Variants in MYO5B observed in about 807,000 individuals in gnomAD.
MYO5B encodes myosin VB.
Under a neutral mutation model 229.3 loss-of-function variants are expected in MYO5B, and 143 were observed. The ratio of observed to expected loss-of-function variants is 0.62; its 90% CI spans 0.54 to 0.72. The LOEUF is 0.72. Ranked by LOEUF, MYO5B falls within the 30% of genes least tolerant of loss-of-function variation. The pLI is 0.00. For synonymous variants in MYO5B, 918 were observed against 885.2 expected (o/e 1.04, Z -0.66); for missense variants, 2,321 against 2,331.0 (o/e 1.00, Z 0.09).
At chr18:49,991,368 A>G (rs887760245) in intron 6 of MYO5B, among the ~76,000 whole-genome samples, 1 of 152,128 alleles carries the variant, frequency 6.6e-6, no homozygotes, top group African/African-American at 2.4e-5. Flanking sequence ...GAAGCCATTT[A>G]ACCCAAGGCA....
At chr18:50,094,124 AC>A (rs1447104683) in intron 1 of MYO5B, among the ~76,000 whole-genome samples, 2 of 152,288 alleles carry the variant, frequency 1.3e-5, no homozygotes, top group Admixed American at 1.3e-4. Flanking sequence ...CTGTATCAGG[AC>A]CCCTTTCCAG....
intron 1 of MYO5B, among the ~76,000 whole-genome samples, chr18:50,076,199 C>T (rs560350764): frequency 7.8e-4 from 119 of 152,274 alleles, no homozygotes; most frequent in Non-Finnish European, 1.6e-3. Context: ...GCAGAGCTCA[C>T]TCACTGCTAA....
At chr18:50,090,626 G>A (rs1017052973) in intron 1 of MYO5B, among the ~76,000 whole-genome samples, 1 of 152,088 alleles carries the variant, frequency 6.6e-6, no homozygotes, top group African/African-American at 2.4e-5. Context: ...CCCTTTTTAG[G>A]CTTCTTGGGG....
rs2023832059 is a variant in MYO5B at position 49,825,542 on chromosome 18, G to A, written c.*929C>T. ...GGTTTCTGGAACAGTAGAGCATTAT[G>A]TGATGCTCTTACTGGAAGCTTAATG... is the stretch of plus-strand genomic sequence containing the variant. On this transcript the variant is annotated 3_prime_UTR_variant, in exon 40 of 40. Transcript: ENST00000285039. 1 of 152,184 alleles carries A rather than the reference G, an allele frequency of 6.6e-6. No homozygotes were observed. Among genetic ancestry groups the A allele is most frequent in the Admixed American group, 6.5e-5 (1 of 15,274 alleles). The allele number at this position is 152,184 out of a possible 1,614,324, so 9.4% of individuals were successfully genotyped here.
At chr18:49,980,386 T>C in intron 9 of MYO5B, 58 bp downstream of exon 9, 1 of 1,211,628 alleles carries the variant, frequency 8.3e-7, no homozygotes, top group South Asian at 1.2e-5. Context: ...ATTTCAGTCA[T>C]ATCAAAGAAC....
chr18:50,006,170 A>G (rs1013967504), intron 4 of MYO5B, among the ~76,000 whole-genome samples: 5 of 152,212 alleles, frequency 3.3e-5, no homozygotes, highest in African/African-American at 1.2e-4. Flanking sequence ...AACAGGAAGT[A>G]GGGGTAGGGA....
At chr18:49,901,785 G>A (rs1330499916) in intron 21 of MYO5B, among the ~76,000 whole-genome samples, 1 of 152,220 alleles carries the variant, frequency 6.6e-6, no homozygotes, top group East Asian at 1.9e-4. Flanking sequence ...CCAGACAGCT[G>A]GGGTTCAAAC....
Position 49,843,296 on chromosome 18 carries a change from A to G in MYO5B, c.4556T>C (p.Leu1519Pro), listed in dbSNP as rs752917500. 2 of 1,614,076 alleles carry G rather than the reference A, an allele frequency of 1.2e-6. No homozygotes were observed. The highest frequency in any genetic ancestry group is 1.7e-6 in the Non-Finnish European group (2 of 1,180,030). ...IRHADYTNDD[L>P]KVHSLLTSTI... ...GGAGGTCAGCAGGGAGTGCACCTTGAGATCGTCGTTGGTGTAGTCCGCGTG... is the reference window on the plus strand; with the variant it reads ...GGAGGTCAGCAGGGAGTGCACCTTGGGATCGTCGTTGGTGTAGTCCGCGTG... Residue 1519 changes from leucine to proline, a missense_variant, in exon 34 of 40, where the codon CTC becomes CCC. This residue lies in a region of MYO5B where 2,113 missense variants were observed against 2,044.7 expected (regional missense o/e 1.03). Coordinates refer to ENST00000285039, the MANE Select transcript of MYO5B (RefSeq NM_001080467.3).
intron 2 of MYO5B, among the ~76,000 whole-genome samples, chr18:50,048,172 C>T (rs1017999981): frequency 1.3e-5 from 2 of 151,838 alleles, no homozygotes; most frequent in Non-Finnish European, 2.9e-5. Flanking sequence ...CTAACAGTCC[C>T]GTGTTTAAGT....
chr18:50,155,136 C>G (rs529170393), intron 1 of MYO5B, among the ~76,000 whole-genome samples: 1 of 152,270 alleles, frequency 6.6e-6, no homozygotes, highest in South Asian at 2.1e-4. Context: ...GTTTCCAGTA[C>G]AGGGAGACCT....
chr18:49,977,054 C>G (rs879555704), intron 9 of MYO5B, among the ~76,000 whole-genome samples: 2 of 152,258 alleles, frequency 1.3e-5, no homozygotes, highest in South Asian at 4.1e-4. Context: ...CCTAAGGCCT[C>G]GCGCTGTGAG....
At chr18:50,051,401 G>C (rs1350983431) in intron 2 of MYO5B, among the ~76,000 whole-genome samples, 1 of 152,130 alleles carries the variant, frequency 6.6e-6, no homozygotes. Flanking sequence ...ATAGATAGTA[G>C]ATACAAACTC....
chr18:49,845,670 G>A (rs546378501), intron 33 of MYO5B, among the ~76,000 whole-genome samples: 48 of 152,290 alleles, frequency 3.2e-4, no homozygotes, highest in Non-Finnish European at 5.4e-4. Flanking sequence ...TCAGGGTCCA[G>A]AGGATCAGAC....
chr18:49,877,616 T>G, intron 25 of MYO5B, 147 bp downstream of exon 25: 1 of 1,038,992 alleles, frequency 9.6e-7, no homozygotes, highest in East Asian at 2.6e-5. Context: ...TCCACTGTAG[T>G]CCAAGTGATC....
chr18:49,947,101 C>CTTTTTT (rs74176748), intron 14 of MYO5B, among the ~76,000 whole-genome samples: 29 of 108,288 alleles, frequency 2.7e-4, no homozygotes, highest in East Asian at 5.3e-4. Flanking sequence ...TCACCAAGCT[C>CTTTTTT]TTTTTTTTTT....
intron 1 of MYO5B, among the ~76,000 whole-genome samples, chr18:50,098,424 C>G (rs1202229186): frequency 6.6e-6 from 1 of 152,050 alleles, no homozygotes; most frequent in Admixed American, 6.5e-5. Flanking sequence ...CTAAAGAGTC[C>G]CATCAAAATC....
At chr18:50,087,659 G>A (rs903869511) in intron 1 of MYO5B, among the ~76,000 whole-genome samples, 9 of 152,054 alleles carry the variant, frequency 5.9e-5, no homozygotes, top group Admixed American at 4.6e-4. Flanking sequence ...TGTCATCTAT[G>A]CAGACATCAG....
chr18:50,101,073 T>C (rs1410554633), intron 1 of MYO5B, among the ~76,000 whole-genome samples: 3 of 152,232 alleles, frequency 2.0e-5, no homozygotes, highest in Non-Finnish European at 4.4e-5. Flanking sequence ...GGGACAATAG[T>C]TCACAATAGC....
intron 1 of MYO5B, among the ~76,000 whole-genome samples, chr18:50,162,408 T>C (rs969140097): frequency 6.6e-6 from 1 of 152,052 alleles, no homozygotes; most frequent in Non-Finnish European, 1.5e-5. Flanking sequence ...AGGGAAGCAG[T>C]AAAACATCTA....
Sources: gnomAD v4.1 joint callset for allele counts (sites outside exome capture counted in the v4.1 genomes callset) on GRCh38, gnomAD v4.1.1 for gene constraint, gnomAD v4.1.1 regional missense constraint, MANE v1.5 for transcripts, NCBI Gene and HGNC (gene_info 2026-07-23, HGNC 2026-07-21) for gene names.